SPARCL1: variants seen among roughly 807,000 people sequenced by gnomAD.
The protein encoded by SPARCL1 is SPARC-like protein 1.
In SPARCL1, 52 loss-of-function variants were observed where a neutral mutation model predicts 67.1. That is an observed-to-expected ratio of 0.78 (90% CI 0.62 to 0.98). SPARCL1 has a LOEUF of 0.98. SPARCL1 is among the 50% of genes least tolerant of loss of function. The pLI is 0.00. For synonymous variants in SPARCL1, 226 were observed against 267.8 expected (o/e 0.84, Z 1.52); for missense variants, 717 against 782.4 (o/e 0.92, Z 1.00).
intron 1 of SPARCL1, among the ~76,000 whole-genome samples, chr4:87,520,665 G>A (rs911157164): frequency 2.0e-4 from 31 of 152,174 alleles, no homozygotes; most frequent in African/African-American, 6.8e-4. Flanking sequence ...TTCACCATGG[G>A]AGAGGTTGTA....
chr4:87,507,961 G>A (rs1326352439), intron 1 of SPARCL1, among the ~76,000 whole-genome samples: 1 of 152,214 alleles, frequency 6.6e-6, no homozygotes, highest in Admixed American at 6.5e-5. Context: ...GATGCAAAGG[G>A]TGAGGTATGG....
At chr4:87,523,901 G>C (rs868148994) in intron 1 of SPARCL1, among the ~76,000 whole-genome samples, 10 of 152,086 alleles carry the variant, frequency 6.6e-5, no homozygotes, top group Admixed American at 2.0e-4. Context: ...CTTATGTTTG[G>C]TCCTATGCAG....
chr4:87,520,364 C>T (rs1408068859), intron 1 of SPARCL1, among the ~76,000 whole-genome samples: 1 of 151,256 alleles, frequency 6.6e-6, no homozygotes, highest in African/African-American at 2.4e-5. Context: ...GAAAAGTCAT[C>T]TTGCCGGAAA....
chr4:87,490,996 T>A (rs1019010936), intron 5 of SPARCL1, 118 bp from the exon 6 acceptor site: 10 of 598,066 alleles, frequency 1.7e-5, no homozygotes, highest in African/African-American at 1.5e-4. Flanking sequence ...TCCTTGAAAT[T>A]TGCAAATTTG....
At chr4:87,500,073 T>C (rs1285768830) in intron 1 of SPARCL1, among the ~76,000 whole-genome samples, 1 of 152,202 alleles carries the variant, frequency 6.6e-6, no homozygotes, top group East Asian at 1.9e-4. Flanking sequence ...ATCTGTGAGT[T>C]AGGGGTGGCC....
intron 1 of SPARCL1, among the ~76,000 whole-genome samples, chr4:87,499,910 T>C (rs777537325): frequency 7.9e-5 from 12 of 151,850 alleles, no homozygotes; most frequent in Non-Finnish European, 1.6e-4. Context: ...AAAAAAGTCA[T>C]ATGTCAAGGT....
intron 1 of SPARCL1, among the ~76,000 whole-genome samples, chr4:87,518,137 G>A (rs1239002995): frequency 6.6e-6 from 1 of 152,176 alleles, no homozygotes; most frequent in Non-Finnish European, 1.5e-5. Flanking sequence ...TGGATTTTAA[G>A]GCTAGAGTTT....
intron 7 of SPARCL1, among the ~76,000 whole-genome samples, chr4:87,489,592 T>C (rs968990856): frequency 2.0e-5 from 3 of 152,348 alleles, no homozygotes; most frequent in Admixed American, 2.0e-4. Context: ...AAAGAGAGTT[T>C]GTGGTGGCAA....
At chr4:87,482,291 C>T (rs1365721698) in intron 8 of SPARCL1, 133 bp downstream of exon 8, 12 of 889,972 alleles carry the variant, frequency 1.3e-5, no homozygotes, top group Non-Finnish European at 1.0e-5. Context: ...TGTTAAGCCA[C>T]ATGGGCTAAC....
intron 10 of SPARCL1, among the ~76,000 whole-genome samples, chr4:87,479,121 G>C (rs1286738117): frequency 6.6e-6 from 1 of 152,170 alleles, no homozygotes; most frequent in African/African-American, 2.4e-5. Flanking sequence ...ATGAAATAAG[G>C]AAGGACACAA....
At chr4:87,517,057 A>G (rs1725609835) in intron 1 of SPARCL1, among the ~76,000 whole-genome samples, 1 of 152,152 alleles carries the variant, frequency 6.6e-6, no homozygotes, top group Non-Finnish European at 1.5e-5. Flanking sequence ...TATTTTGGCC[A>G]TATTTATTTT....
At chr4:87,518,960 T>A (rs1447209706) in intron 1 of SPARCL1, among the ~76,000 whole-genome samples, 3 of 152,200 alleles carry the variant, frequency 2.0e-5, no homozygotes, top group Non-Finnish European at 4.4e-5. Flanking sequence ...TAAGACAGCA[T>A]GAACATCTGA....
chr4:87,513,854 C>G (rs150789189), intron 1 of SPARCL1, among the ~76,000 whole-genome samples: 5 of 152,280 alleles, frequency 3.3e-5, no homozygotes, highest in African/African-American at 1.2e-4. Context: ...ACTTTTAAAT[C>G]TTTGTTTTTT....
intron 1 of SPARCL1, among the ~76,000 whole-genome samples, chr4:87,511,106 A>G (rs1181663975): frequency 1.3e-5 from 2 of 152,192 alleles, no homozygotes; most frequent in Non-Finnish European, 2.9e-5. Flanking sequence ...TCCTGCATCA[A>G]AATCAGTTGT....
intron 1 of SPARCL1, among the ~76,000 whole-genome samples, chr4:87,515,385 A>G (rs1725538295): frequency 6.6e-6 from 1 of 152,252 alleles, no homozygotes; most frequent in Non-Finnish European, 1.5e-5. Flanking sequence ...AACTGTAAAA[A>G]TGAAATGAAA....
At chr4:87,508,660 A>C (rs1273476429) in intron 1 of SPARCL1, among the ~76,000 whole-genome samples, 2 of 151,890 alleles carry the variant, frequency 1.3e-5, no homozygotes, top group African/African-American at 2.4e-5. Flanking sequence ...AAAAAATAGA[A>C]GATTAGAGAG....
intron 10 of SPARCL1, among the ~76,000 whole-genome samples, chr4:87,477,946 C>T (rs551437139): frequency 1.3e-5 from 2 of 152,114 alleles, no homozygotes; most frequent in South Asian, 4.1e-4. Flanking sequence ...AATGATATTG[C>T]AAGGAAAAGG....
At chr4:87,487,379 T>C (rs1724118835) in intron 7 of SPARCL1, among the ~76,000 whole-genome samples, 1 of 152,224 alleles carries the variant, frequency 6.6e-6, no homozygotes, top group South Asian at 2.1e-4. Flanking sequence ...TATGAAATTC[T>C]AGTTTGAAAA....
At chr4:87,528,249 A>G (rs1481767785) in intron 1 of SPARCL1, 2 of 151,834 alleles carry the variant, frequency 1.3e-5, no homozygotes, top group Non-Finnish European at 2.9e-5. Flanking sequence ...AAGGATGAAT[A>G]AGCACAACCT....
Sources: allele counts gnomAD v4.1 joint callset (sites outside exome capture counted in the v4.1 genomes callset), GRCh38; gene constraint gnomAD v4.1.1; transcripts MANE v1.5; gene names NCBI Gene and HGNC (gene_info 2026-07-23, HGNC 2026-07-21).